Variants in CCDC148 observed in about 807,000 individuals in gnomAD.
The protein encoded by CCDC148 is coiled-coil domain-containing protein 148.
Under a neutral mutation model 85.7 loss-of-function variants are expected in CCDC148, and 89 were observed. The ratio of observed to expected loss-of-function variants is 1.04; its 90% CI spans 0.87 to 1.24. The LOEUF (loss-of-function observed/expected upper bound fraction) is 1.24. Among genes scored for constraint, CCDC148 ranks in the 50% most tolerant of loss-of-function variants. The probability of loss-of-function intolerance (pLI) is 0.00; values close to 1 mark genes in which losing one functional copy is unlikely to be tolerated. For synonymous variants in CCDC148, 230 were observed against 213.9 expected, an observed-to-expected ratio of 1.08 and a Z score of -0.66; for missense variants, 692 against 671.7, an observed-to-expected ratio of 1.03 and a Z score of -0.33.
intron 9 of CCDC148, among the ~76,000 whole-genome samples, chr2:158,285,077 C>T (rs1574547450): frequency 6.6e-6 from 1 of 152,064 alleles, no homozygotes; most frequent in Non-Finnish European, 1.5e-5. Context: ...CACCTGAGGT[C>T]AGGAGTTCAA....
At position 158,433,523 on chromosome 2, in the gene CCDC148, G is replaced by A. The variant is rs188828591; in HGVS notation, c.25+22892C>T. ...TGCAGAGGGAGGTTCCAAGATGGCC[G>A]AATAGGAACAGCTCCAGTCTACAGC... is the stretch of plus-strand genomic sequence containing the variant. On this transcript the variant is annotated intron_variant, in intron 1 of 13. Transcript: ENST00000283233. Among the ~76,000 whole-genome samples, 17 of 152,072 alleles carry A rather than the reference G, an allele frequency of 1.1e-4. No individual in the cohort carries two copies. The East Asian group carries it at 2.5e-3, about 23-fold the overall frequency.
intron 11 of CCDC148, among the ~76,000 whole-genome samples, chr2:158,192,173 C>T (rs1332364623): frequency 3.9e-5 from 6 of 152,142 alleles, no homozygotes; most frequent in South Asian, 4.1e-4. Context: ...TATATCTTCT[C>T]GCCAGCTTTA....
intron 10 of CCDC148, among the ~76,000 whole-genome samples, chr2:158,230,089 T>C (rs1455591152): frequency 6.6e-6 from 1 of 152,170 alleles, no homozygotes; most frequent in East Asian, 1.9e-4. Context: ...TATTAACCCT[T>C]ACCTATAGTA....
At chr2:158,445,153 TA>T (rs888519204) in intron 1 of CCDC148, among the ~76,000 whole-genome samples, 31 of 150,746 alleles carry the variant, frequency 2.1e-4, no homozygotes, top group East Asian at 1.9e-4. Context: ...AAAGAGACAA[TA>T]AAAAAAAAGT....
intron 1 of CCDC148, among the ~76,000 whole-genome samples, chr2:158,363,688 T>C (rs200653546): frequency 1.8e-4 from 26 of 146,232 alleles, no homozygotes; most frequent in East Asian, 6.2e-4. Flanking sequence ...CTATTTATGA[T>C]AAACCCACAA....
At position 158,297,456 on chromosome 2, in the gene CCDC148, T is replaced by C. The variant is rs547864409; in HGVS notation, c.1110+11977A>G. ...CTGCCTCAAAGGTGATCCAACATAG[T>C]GTGTGCCTGCAAGATCTATTTCAGC... is the stretch of plus-strand genomic sequence containing the variant. On this transcript the variant is annotated intron_variant, in intron 9 of 13. Transcript: ENST00000283233. Among the ~76,000 whole-genome samples the C allele has an allele frequency of 1.4e-4, 21 of 152,298 alleles. 1 individual carries two copies. The South Asian group carries it at 3.9e-3, about 29-fold the overall frequency.
intron 7 of CCDC148, among the ~76,000 whole-genome samples, chr2:158,334,807 A>T (rs1030050089): frequency 2.6e-5 from 4 of 152,092 alleles, no homozygotes; most frequent in East Asian, 1.9e-4. Context: ...GATTTTAAAA[A>T]ATATATATAT....
chr2:158,315,916 T>C (rs1692260180), intron 7 of CCDC148, among the ~76,000 whole-genome samples: 2 of 152,202 alleles, frequency 1.3e-5, no homozygotes, highest in Non-Finnish European at 2.9e-5. Flanking sequence ...CCTTTCCCCA[T>C]GGGAGCAAAC....
chr2:158,291,405 C>T (rs1690887915), intron 9 of CCDC148, among the ~76,000 whole-genome samples: 1 of 152,194 alleles, frequency 6.6e-6, no homozygotes, highest in Non-Finnish European at 1.5e-5. Context: ...TCTCTCATTA[C>T]ACTCTGATTC....
rs576566928 is a variant in CCDC148, at chr2:158,177,733, C to CT, written c.1489-1073dup. ...TATGCTTTAAATTTATCTTTATAAT[C>CT]TTTTTTTATCAAAGAAGATGATGAT... is the stretch of plus-strand genomic sequence containing the variant. On this transcript the variant is annotated intron_variant, in intron 12 of 13. Transcript: ENST00000283233. Among the ~76,000 whole-genome samples, 217 of 152,176 alleles carry CT rather than the reference C, an allele frequency of 1.4e-3. 1 individual carries two copies. The highest frequency in any genetic ancestry group is 5.0e-3 in the African/African-American group (206 of 41,558).
chr2:158,198,022 T>C (rs1229379393), intron 11 of CCDC148, among the ~76,000 whole-genome samples: 2 of 152,210 alleles, frequency 1.3e-5, no homozygotes, highest in South Asian at 2.1e-4. Flanking sequence ...TCTCTACTTA[T>C]CTATTTAATC....
intron 7 of CCDC148, among the ~76,000 whole-genome samples, chr2:158,316,177 T>C (rs567229635): frequency 2.6e-5 from 4 of 152,356 alleles, no homozygotes; most frequent in Admixed American, 2.0e-4. Flanking sequence ...TGATATCTCA[T>C]ACTGAGTGGC....
At chr2:158,276,291 G>A (rs745905727) in intron 9 of CCDC148, among the ~76,000 whole-genome samples, 11 of 151,952 alleles carry the variant, frequency 7.2e-5, no homozygotes, top group Admixed American at 2.0e-4. Context: ...AAATTTAGCC[G>A]GGCCTGGTGG....
intron 11 of CCDC148, among the ~76,000 whole-genome samples, chr2:158,183,376 C>T (rs1228521317): frequency 6.6e-6 from 1 of 152,084 alleles, no homozygotes; most frequent in Non-Finnish European, 1.5e-5. Flanking sequence ...CACCTTGATC[C>T]GTAGTAACAG....
chr2:158,282,791 A>G (rs1690393803), intron 9 of CCDC148, among the ~76,000 whole-genome samples: 1 of 152,176 alleles, frequency 6.6e-6, no homozygotes, highest in African/African-American at 2.4e-5. Context: ...TAAAGTTCAT[A>G]TGGAACCAAA....
intron 2 of CCDC148, among the ~76,000 whole-genome samples, chr2:158,348,144 G>A (rs931979218): frequency 1.3e-5 from 2 of 151,952 alleles, no homozygotes; most frequent in African/African-American, 2.4e-5. Context: ...AAACTATATT[G>A]GCAAAAGTAT....
At chr2:158,259,166 TCTG>T (rs969467781) in intron 9 of CCDC148, among the ~76,000 whole-genome samples, 5 of 151,864 alleles carry the variant, frequency 3.3e-5, no homozygotes, top group African/African-American at 1.2e-4. Flanking sequence ...ATCCCAAATT[TCTG>T]CTGCAATTTC....
At chr2:158,217,372 G>GTATATATATATATA (rs1279069325) in intron 11 of CCDC148, among the ~76,000 whole-genome samples, 2 of 72,310 alleles carry the variant, frequency 2.8e-5, no homozygotes, top group African/African-American at 7.8e-5. Flanking sequence ...TTGTGTGTGT[G>GTATATATATATATA]TGTATATATA....
At chr2:158,332,948 T>C (rs1693219819) in intron 7 of CCDC148, among the ~76,000 whole-genome samples, 1 of 151,994 alleles carries the variant, frequency 6.6e-6, no homozygotes, top group African/African-American at 2.4e-5. Context: ...TGACTAGCAG[T>C]CTATTTATTT....
Sources: allele counts gnomAD v4.1 joint callset (sites outside exome capture counted in the v4.1 genomes callset), GRCh38; gene constraint gnomAD v4.1.1; transcripts MANE v1.5; gene names NCBI Gene and HGNC (gene_info 2026-07-23, HGNC 2026-07-21).